DACH1: variants seen among roughly 807,000 people sequenced by gnomAD.
DACH1 encodes dachshund homolog 1.
A neutral mutation model predicts 54.2 loss-of-function variants in DACH1; 12 were observed. That is an observed-to-expected ratio of 0.22 (90% confidence interval 0.14 to 0.36). The LOEUF (loss-of-function observed/expected upper bound fraction) is 0.36, where lower values mean the gene tolerates loss of function less well. DACH1 is among the 10% of genes least tolerant of loss of function. DACH1 has a pLI of 1.00. For missense variants in DACH1, 805 were observed against 929.8 expected (o/e 0.87, Z 1.75); for synonymous variants, 386 against 366.2 (o/e 1.05, Z -0.62).
intron 3 of DACH1, among the ~76,000 whole-genome samples, chr13:71,577,817 G>C (rs1885624216): frequency 6.6e-6 from 1 of 152,094 alleles, no homozygotes; most frequent in African/African-American, 2.4e-5. Flanking sequence ...TTTGGACAAA[G>C]ATATTCTTAG....
intron 3 of DACH1, among the ~76,000 whole-genome samples, chr13:71,588,405 C>T (rs1469238720): frequency 1.3e-5 from 2 of 152,076 alleles, no homozygotes; most frequent in Non-Finnish European, 2.9e-5. Context: ...ATAAACTCCT[C>T]TGGGAGGTAA....
chr13:71,825,066 A>G (rs1888327883), intron 1 of DACH1, among the ~76,000 whole-genome samples: 1 of 152,078 alleles, frequency 6.6e-6, no homozygotes, highest in Non-Finnish European at 1.5e-5. Flanking sequence ...CTATTAATTT[A>G]TTAATTTTCA....
chr13:71,733,280 G>A (rs1460486193), intron 1 of DACH1, among the ~76,000 whole-genome samples: 1 of 152,072 alleles, frequency 6.6e-6, no homozygotes, highest in Non-Finnish European at 1.5e-5. Context: ...TCCCACCTCT[G>A]CCTCTTGAGT....
intron 5 of DACH1, among the ~76,000 whole-genome samples, chr13:71,558,591 T>G (rs1884399512): frequency 6.6e-6 from 1 of 151,976 alleles, no homozygotes; most frequent in Non-Finnish European, 1.5e-5. Flanking sequence ...AAACCAATAT[T>G]TATCATTAAA....
At chr13:71,678,200 A>G (rs1880684139) in intron 2 of DACH1, among the ~76,000 whole-genome samples, 1 of 152,202 alleles carries the variant, frequency 6.6e-6, no homozygotes, top group Admixed American at 6.5e-5. Context: ...ATTTAGTCAT[A>G]TTCCCCAAAT....
At chr13:71,529,665 T>C (rs1207037444) in intron 6 of DACH1, among the ~76,000 whole-genome samples, 1 of 152,228 alleles carries the variant, frequency 6.6e-6, no homozygotes, top group Non-Finnish European at 1.5e-5. Flanking sequence ...TTTTGTCAAA[T>C]GGAATAATCC....
chr13:71,845,003 C>A (rs753605545), intron 1 of DACH1, among the ~76,000 whole-genome samples: 1 of 152,020 alleles, frequency 6.6e-6, no homozygotes, highest in Non-Finnish European at 1.5e-5. Context: ...TTAAACAACA[C>A]AAAATTACAG....
chr13:71,649,689 G>A (rs1372621852), intron 2 of DACH1, among the ~76,000 whole-genome samples: 2 of 152,026 alleles, frequency 1.3e-5, no homozygotes, highest in African/African-American at 4.8e-5. Flanking sequence ...AACAAATATT[G>A]CAAAAATCAC....
chr13:71,857,790 TAAA>T (rs914970700), intron 1 of DACH1, among the ~76,000 whole-genome samples: 1 of 151,720 alleles, frequency 6.6e-6, no homozygotes, highest in African/African-American at 2.4e-5. Context: ...TCAAATTAAA[TAAA>T]AATCCTAAAT....
chr13:71,452,573 C>A (rs765728781), intron 10 of DACH1, among the ~76,000 whole-genome samples: 2 of 152,102 alleles, frequency 1.3e-5, no homozygotes, highest in Non-Finnish European at 2.9e-5. Flanking sequence ...ACTGGTCATA[C>A]GGACAGTGTT....
intron 10 of DACH1, among the ~76,000 whole-genome samples, chr13:71,448,355 T>C (rs1285774320): frequency 6.6e-6 from 1 of 152,094 alleles, no homozygotes; most frequent in Non-Finnish European, 1.5e-5. Flanking sequence ...TCATGTGAAG[T>C]AAAGGAAACC....
At chr13:71,759,255 G>A (rs995752436) in intron 1 of DACH1, among the ~76,000 whole-genome samples, 1 of 151,572 alleles carries the variant, frequency 6.6e-6, no homozygotes, top group Admixed American at 6.6e-5. Context: ...AAACCATCAT[G>A]ACCTTAAATG....
At chr13:71,499,132 C>T (rs1289180630) in intron 6 of DACH1, among the ~76,000 whole-genome samples, 4 of 46,226 alleles carry the variant, frequency 8.7e-5, no homozygotes, top group Admixed American at 3.3e-4. Context: ...CACACACACA[C>T]GCAGACACAC....
rs1312729639 is a variant in DACH1, at chr13:71,488,979, G to C, written c.1722+18C>G. 1 of 1,605,118 alleles carries C rather than the reference G, an allele frequency of 6.2e-7. No homozygotes were observed. The highest frequency in any genetic ancestry group is 1.3e-5 in the African/African-American group (1 of 74,294). Reference sequence around the variant, plus strand: ...GGGTGTTCCATATGTCTTTCTTCCAGGTTGTAAAAAGGCCTACCTGTATGT... The same window carrying C: ...GGGTGTTCCATATGTCTTTCTTCCACGTTGTAAAAAGGCCTACCTGTATGT... On this transcript the variant is annotated intron_variant, in intron 7 of 10. Coordinates refer to ENST00000613252, the MANE Select transcript of DACH1 (RefSeq NM_080759.6).
At chr13:71,576,947 G>GT (rs1223596220) in intron 3 of DACH1, among the ~76,000 whole-genome samples, 2 of 152,096 alleles carry the variant, frequency 1.3e-5, no homozygotes, top group African/African-American at 4.8e-5. Context: ...CACAACTTCT[G>GT]TGGCTACTCC....
At chr13:71,667,274 ATGC>A (rs1296100579) in intron 2 of DACH1, among the ~76,000 whole-genome samples, 4 of 152,306 alleles carry the variant, frequency 2.6e-5, no homozygotes, top group Admixed American at 6.5e-5. Flanking sequence ...TAAAATATTA[ATGC>A]ATAGAAACTC....
chr13:71,848,364 T>C (rs1029291878), intron 1 of DACH1, among the ~76,000 whole-genome samples: 1 of 152,206 alleles, frequency 6.6e-6, no homozygotes, highest in African/African-American at 2.4e-5. Flanking sequence ...ATAAGGACTT[T>C]GTAATTTTTC....
intron 1 of DACH1, among the ~76,000 whole-genome samples, chr13:71,775,954 T>A (rs1378992185): frequency 6.6e-6 from 1 of 152,148 alleles, no homozygotes; most frequent in African/African-American, 2.4e-5. Context: ...TTTTATTGGT[T>A]ACTAAATAAG....
Position 71,541,925 on chromosome 13 carries a change from G to GTT in DACH1, c.1570+15097_1570+15098dup, listed in dbSNP as rs397720054. ...TGGAAAAGTCACTGATATTTGCCCA[G>GTT]TTTTTTTTTTTTTTTTTTTTTTTCA... On this transcript the variant is annotated intron_variant, in intron 6 of 10. Transcript: ENST00000613252. 4.0e-3 allele frequency among the ~76,000 whole-genome samples: 424 copies of GTT among 105,784 alleles called. 4 individuals are homozygous for GTT. Among genetic ancestry groups the GTT allele is most frequent in the Middle Eastern group, 0.011 (2 of 178 alleles). 69.4% of individuals were successfully genotyped at this position (105,784 alleles called of 152,430 possible). A position where few individuals can be genotyped will look rare whatever the true frequency, so the allele number is the denominator to read the frequency against.
Sources: allele counts gnomAD v4.1 joint callset (sites outside exome capture counted in the v4.1 genomes callset), GRCh38; gene constraint gnomAD v4.1.1; transcripts MANE v1.5; gene names NCBI Gene and HGNC (gene_info 2026-07-23, HGNC 2026-07-21).